NPAS3: variants seen among roughly 807,000 people sequenced by gnomAD.
NPAS3 encodes the protein neuronal PAS domain protein 3.
A neutral mutation model predicts 73.1 loss-of-function variants in NPAS3; 14 were observed. That is an observed-to-expected ratio of 0.19 (90% CI 0.13 to 0.30). The LOEUF (loss-of-function observed/expected upper bound fraction) is 0.30. Among genes scored for constraint, NPAS3 ranks in the 10% least tolerant of loss-of-function variants. The probability of loss-of-function intolerance (pLI) is 1.00; values close to 1 mark genes in which losing one functional copy is unlikely to be tolerated. For synonymous variants in NPAS3, 620 were observed against 541.5 expected (o/e 1.14, Z -2.01); for missense variants, 1,096 against 1,250.0 (o/e 0.88, Z 1.86).
chr14:33,683,268 A>AT (rs1185864512), intron 6 of NPAS3, among the ~76,000 whole-genome samples: 1 of 151,994 alleles, frequency 6.6e-6, no homozygotes, highest in Non-Finnish European at 1.5e-5. Context: ...TAGGAAGTCA[A>AT]TTTTTTAAAC....
intron 3 of NPAS3, among the ~76,000 whole-genome samples, chr14:33,287,439 G>A (rs1322081175): frequency 6.6e-6 from 1 of 152,116 alleles, no homozygotes; most frequent in East Asian, 1.9e-4. Context: ...AACTGAGCAG[G>A]AAGCGAGAAA....
At chr14:33,532,915 C>A (rs2054105689) in intron 4 of NPAS3, among the ~76,000 whole-genome samples, 1 of 152,048 alleles carries the variant, frequency 6.6e-6, no homozygotes, top group Non-Finnish European at 1.5e-5. Context: ...TTAAAGTGAG[C>A]TTTCAAAAAT....
rs1170208447 is a variant in NPAS3 at position 33,553,282 on chromosome 14, T to G, written c.469-6839T>G. On this transcript the variant is annotated intron_variant, in intron 4 of 11. Coordinates refer to ENST00000356141, the Ensembl canonical transcript of NPAS3. ...GAGCAGAAGTAAAACCTCATCTTGCTCAGAAAGTGGGTCTCTTTGTTCTTC... is the reference window on the plus strand; with the variant it reads ...GAGCAGAAGTAAAACCTCATCTTGCGCAGAAAGTGGGTCTCTTTGTTCTTC... Among the ~76,000 whole-genome samples the G allele has an allele frequency of 2.0e-5, 3 of 152,232 alleles. No individual in the cohort carries two copies. In the East Asian group the frequency reaches 5.8e-4, roughly 29 times the overall value.
chr14:33,489,962 GT>G (rs1250296228), intron 4 of NPAS3, among the ~76,000 whole-genome samples: 3 of 152,138 alleles, frequency 2.0e-5, no homozygotes, highest in Non-Finnish European at 4.4e-5. Context: ...ATAGCAAAAG[GT>G]TGTAGTAAAA....
chr14:33,391,456 G>C (rs1249210504), intron 4 of NPAS3, among the ~76,000 whole-genome samples: 1 of 152,122 alleles, frequency 6.6e-6, no homozygotes, highest in African/African-American at 2.4e-5. Context: ...GCCTCCCAAA[G>C]TGCTGGGATT....
rs57811053 is a variant in NPAS3, at chr14:33,718,722, G to A, written c.734-16492G>A. ...TACATTTATCAAACTTTACCTCCAC[G>A]TGGATTTATTTGATTGTACAACCTC... On this transcript the variant is annotated intron_variant, in intron 6 of 11. Coordinates refer to ENST00000356141, the Ensembl canonical transcript of NPAS3. Among the ~76,000 whole-genome samples, 2,119 of 152,238 alleles carry A rather than the reference G, an allele frequency of 0.014. 186 individuals are homozygous for A. The East Asian group carries it at 0.26, about 19-fold the overall frequency.
rs67439887 is a variant in NPAS3 at position 33,109,810 on chromosome 14, C to CTTTTT, written c.140+53836_140+53840dup. Reference sequence around the variant, plus strand: ...TACCTCTTATCTGTAATTTGCATGTCTTTTTTTTTTTTTTTTTTTTTTTTG... The same window carrying CTTTTT: ...TACCTCTTATCTGTAATTTGCATGTCTTTTTTTTTTTTTTTTTTTTTTTTTTTTTG... On this transcript the variant is annotated intron_variant, in intron 2 of 11. Transcript: ENST00000356141. Among the ~76,000 whole-genome samples, 505 of 86,954 alleles carry CTTTTT rather than the reference C, an allele frequency of 5.8e-3. 10 individuals are homozygous for CTTTTT. Among genetic ancestry groups the CTTTTT allele is most frequent in the East Asian group, 0.018 (47 of 2,578 alleles). 57.0% of individuals were successfully genotyped at this position (86,954 alleles called of 152,430 possible).
chr14:33,264,424 TA>T (rs897591149), intron 3 of NPAS3, among the ~76,000 whole-genome samples: 3 of 151,408 alleles, frequency 2.0e-5, no homozygotes, highest in African/African-American at 7.3e-5. Flanking sequence ...AGTATAATAA[TA>T]AAAAAAAGAA....
intron 2 of NPAS3, among the ~76,000 whole-genome samples, chr14:33,090,328 A>G (rs1164058198): frequency 2.0e-5 from 3 of 152,224 alleles, no homozygotes; most frequent in Non-Finnish European, 4.4e-5. Context: ...GGAAAACAAA[A>G]GAAGGCAGGG....
At chr14:33,005,696 C>T (rs2038977457) in intron 1 of NPAS3, among the ~76,000 whole-genome samples, 2 of 152,154 alleles carry the variant, frequency 1.3e-5, no homozygotes, top group Admixed American at 6.5e-5. Flanking sequence ...GTGGAAGTCT[C>T]AAAGTTGTTA....
rs149149725 is a variant in NPAS3 at position 33,543,425 on chromosome 14, A to G, written c.469-16696A>G. Among the ~76,000 whole-genome samples the G allele has an allele frequency of 4.6e-3, 696 of 152,310 alleles. 5 individuals carry two copies. Among genetic ancestry groups the G allele is most frequent in the African/African-American group, 0.016 (653 of 41,584 alleles). ...TTTCTTCACATTCTTTATAGATTTT[A>G]TATCAGTCCATTACACTTTGGCCTG... On this transcript the variant is annotated intron_variant, in intron 4 of 11. Transcript: ENST00000356141.
At chr14:32,982,929 G>A (rs1233991295) in intron 1 of NPAS3, among the ~76,000 whole-genome samples, 1 of 152,164 alleles carries the variant, frequency 6.6e-6, no homozygotes, top group Non-Finnish European at 1.5e-5. Flanking sequence ...TTAAAAGTTT[G>A]AGGCTACAGC....
intron 1 of NPAS3, among the ~76,000 whole-genome samples, chr14:33,028,911 C>T (rs969248656): frequency 5.9e-5 from 9 of 152,266 alleles, no homozygotes; most frequent in African/African-American, 1.7e-4. Context: ...TAGTTTGCTG[C>T]ACCTGTCAAT....
At chr14:33,779,108 G>A (rs1220490427) in intron 9 of NPAS3, among the ~76,000 whole-genome samples, 1 of 152,254 alleles carries the variant, frequency 6.6e-6, no homozygotes, top group African/African-American at 2.4e-5. Flanking sequence ...TTTCTGGAAA[G>A]AGAGTTATTC....
In NPAS3 at chr14:33,205,106, A is replaced by G. The variant is rs1022277102; in HGVS notation, c.141-10076A>G. ...CAAAAGAAATGGTTTTGCCATGTAG[A>G]AATAAACAATCTTAATATTTTGATT... On this transcript the variant is annotated intron_variant, in intron 2 of 11. Transcript: ENST00000356141. 4.6e-5 allele frequency among the ~76,000 whole-genome samples: 7 copies of G among 152,286 alleles called. No individual in the cohort carries two copies. In the East Asian group the frequency reaches 1.4e-3, roughly 29 times the overall value.
chr14:33,723,547 T>C (rs1385220918), intron 6 of NPAS3, among the ~76,000 whole-genome samples: 2 of 152,040 alleles, frequency 1.3e-5, no homozygotes, highest in African/African-American at 2.4e-5. Context: ...CACTGAGACC[T>C]TTCTTTCTTG....
chr14:33,467,185 A>G (rs898054305), intron 4 of NPAS3, among the ~76,000 whole-genome samples: 2 of 152,196 alleles, frequency 1.3e-5, no homozygotes, highest in African/African-American at 4.8e-5. Context: ...TGCCCTCAGC[A>G]GCCAGATTTC....
Position 33,432,688 on chromosome 14 carries a change from A to G in NPAS3, c.468+65420A>G, listed in dbSNP as rs571476155. Among the ~76,000 whole-genome samples, 9 of 152,282 alleles carry G rather than the reference A, an allele frequency of 5.9e-5. No individual in the cohort carries two copies. The South Asian group carries it at 1.9e-3, about 32-fold the overall frequency. ...CTATAGTTAATATAACCCAAAAGCC[A>G]TTTATGATTGAAACTCTATCGTTGC... On this transcript the variant is annotated intron_variant, in intron 4 of 11. Transcript: ENST00000356141.
intron 1 of NPAS3, among the ~76,000 whole-genome samples, chr14:32,956,882 G>T (rs142950801): frequency 6.6e-6 from 1 of 152,160 alleles, no homozygotes; most frequent in Non-Finnish European, 1.5e-5. Context: ...TTTGGACAGA[G>T]ATCTGCTCTA....
Sources: gnomAD v4.1 joint callset for allele counts (sites outside exome capture counted in the v4.1 genomes callset) on GRCh38, gnomAD v4.1.1 for gene constraint, MANE v1.5 for transcripts, NCBI Gene and HGNC (gene_info 2026-07-23, HGNC 2026-07-21) for gene names.